Variants in GTF2I observed in about 807,000 individuals in gnomAD.
The protein encoded by GTF2I is general transcription factor IIi, also known as general transcription factor II-I.
A neutral mutation model predicts 67.6 loss-of-function variants in GTF2I; 12 were observed. That is an observed-to-expected ratio of 0.18 (90% CI 0.11 to 0.29). GTF2I has a LOEUF of 0.29. Among genes scored for constraint, GTF2I ranks in the 10% least tolerant of loss-of-function variants. GTF2I has a pLI of 1.00. For missense variants in GTF2I, 271 were observed against 580.1 expected (o/e 0.47, Z 5.47); for synonymous variants, 149 against 197.0 (o/e 0.76, Z 2.04).
intron 1 of GTF2I, 167 bp from the exon 2 acceptor site, chr7:74,688,952 TTTATC>T (rs1223379630): frequency 3.8e-6 from 2 of 530,456 alleles, no homozygotes; most frequent in Non-Finnish European, 6.8e-6. Context: ...GGATAGATTC[TTTATC>T]TTATGAGGGT....
intron 1 of GTF2I, among the ~76,000 whole-genome samples, chr7:74,673,680 C>CTTTTT (rs34307938): frequency 8.3e-6 from 1 of 119,798 alleles, no homozygotes; most frequent in Non-Finnish European, 1.8e-5. Flanking sequence ...CGCCCGGCCT[C>CTTTTT]TTTTTTTTTT....
At chr7:74,680,182 A>T (rs1409520718) in intron 1 of GTF2I, among the ~76,000 whole-genome samples, 2 of 145,746 alleles carry the variant, frequency 1.4e-5, no homozygotes, top group Non-Finnish European at 3.0e-5. Flanking sequence ...ATAATTTTAT[A>T]TATTTATTTA....
At chr7:74,674,161 C>G (rs188516707) in intron 1 of GTF2I, among the ~76,000 whole-genome samples, 93 of 149,708 alleles carry the variant, frequency 6.2e-4, no homozygotes, top group African/African-American at 2.2e-3. Context: ...CGTCGAACTC[C>G]TAGGCTCAAG....
intron 6 of GTF2I, among the ~76,000 whole-genome samples, chr7:74,704,915 T>TCATATTCTC (rs1432866158): frequency 7.0e-6 from 1 of 142,826 alleles, no homozygotes; most frequent in Non-Finnish European, 1.5e-5. Flanking sequence ...GTCAGCAGAG[T>TCATATTCTC]CATATTCTCC....
chr7:74,723,158 C>G (rs1476223960), intron 12 of GTF2I, among the ~76,000 whole-genome samples: 3 of 138,216 alleles, frequency 2.2e-5, no homozygotes, highest in Admixed American at 8.1e-5. Context: ...GAGTTTCGCT[C>G]TGTCGCCCAG....
intron 1 of GTF2I, 64 bp downstream of exon 1, chr7:74,658,132 G>A (rs587705234): frequency 6.6e-6 from 1 of 151,580 alleles, no homozygotes; most frequent in African/African-American, 2.4e-5. Context: ...TGCGAGCGGG[G>A]GCCTTTATTA....
At chr7:74,671,950 T>G (rs1805496821) in intron 1 of GTF2I, among the ~76,000 whole-genome samples, 1 of 151,898 alleles carries the variant, frequency 6.6e-6, no homozygotes, top group African/African-American at 2.4e-5. Context: ...TGCCACTGCA[T>G]TCCAGCCTGG....
chr7:74,722,441 T>C (rs1793143720), intron 12 of GTF2I, among the ~76,000 whole-genome samples: 1 of 152,160 alleles, frequency 6.6e-6, no homozygotes, highest in Admixed American at 6.6e-5. Flanking sequence ...TCAGACTTGT[T>C]TCAGGTCTAG....
intron 1 of GTF2I, among the ~76,000 whole-genome samples, chr7:74,660,253 G>T (rs1804354398): frequency 6.6e-6 from 1 of 150,956 alleles, no homozygotes; most frequent in Non-Finnish European, 1.5e-5. Context: ...GCAGTGGCGC[G>T]ATCTTCGCTC....
intron 6 of GTF2I, among the ~76,000 whole-genome samples, chr7:74,701,873 A>G (rs1554399965): frequency 1.3e-5 from 2 of 152,194 alleles, no homozygotes; most frequent in Non-Finnish European, 2.9e-5. Flanking sequence ...GGATGCTTTC[A>G]TCGTCCCTGT....
intron 13 of GTF2I, among the ~76,000 whole-genome samples, chr7:74,729,828 C>T (rs1232872235): frequency 6.6e-6 from 1 of 152,098 alleles, no homozygotes; most frequent in African/African-American, 2.4e-5. Context: ...GTCTTATTTC[C>T]ACACAACTGA....
intron 12 of GTF2I, among the ~76,000 whole-genome samples, chr7:74,720,206 G>A (rs1302679684): frequency 1.3e-5 from 2 of 151,962 alleles, no homozygotes; most frequent in Admixed American, 1.3e-4. Flanking sequence ...TATTCCATAG[G>A]CCTCCCCCTC....
At chr7:74,659,374 C>T (rs1390154518) in intron 1 of GTF2I, among the ~76,000 whole-genome samples, 1 of 151,796 alleles carries the variant, frequency 6.6e-6, no homozygotes, top group Non-Finnish European at 1.5e-5. Flanking sequence ...ACTACAGGCG[C>T]ATGCCATCAT....
intron 11 of GTF2I, among the ~76,000 whole-genome samples, chr7:74,717,577 G>A (rs587637220): frequency 6.6e-6 from 1 of 152,150 alleles, no homozygotes; most frequent in South Asian, 2.1e-4. Context: ...ACAAATTTTT[G>A]TAGATTTCTC....
intron 12 of GTF2I, among the ~76,000 whole-genome samples, chr7:74,724,169 C>A (rs587656938): frequency 6.6e-6 from 1 of 152,106 alleles, no homozygotes; most frequent in East Asian, 1.9e-4. Context: ...TTAATAAATA[C>A]CCAATTGTTT....
chr7:74,718,207 C>G (rs1792503343), intron 11 of GTF2I, among the ~76,000 whole-genome samples: 1 of 152,204 alleles, frequency 6.6e-6, no homozygotes, highest in South Asian at 2.1e-4. Flanking sequence ...GGCCTTTATT[C>G]CTTTACTAAC....
rs187858721 is a variant in GTF2I, at chr7:74,704,336, G to A, written c.587-828G>A. Among the ~76,000 whole-genome samples the A allele has an allele frequency of 2.7e-5, 4 of 147,974 alleles. No homozygotes were observed. In the East Asian group the frequency reaches 6.0e-4, roughly 22 times the overall value. ...GATGGAGTCTTGCTCTGTCGCCCAG[G>A]CTGGAGTGCAGTGGCATGATCTTGG... On this transcript the variant is annotated intron_variant, in intron 6 of 34. Transcript: ENST00000573035.
In GTF2I at chr7:74,710,015, A is replaced by T. The variant is rs189392509; in HGVS notation, c.686-1017A>T. 1.1e-4 allele frequency among the ~76,000 whole-genome samples: 17 copies of T among 152,302 alleles called. No individual in the cohort carries two copies. The East Asian group carries it at 3.3e-3, about 29-fold the overall frequency. Reference sequence around the variant, plus strand: ...ATTAACTTTTACTGATGGACATGAAAGTGCTAAGTTAGCCCAGAGAGTTGC... The same window carrying T: ...ATTAACTTTTACTGATGGACATGAATGTGCTAAGTTAGCCCAGAGAGTTGC... On this transcript the variant is annotated intron_variant, in intron 8 of 34. Transcript: ENST00000573035.
intron 3 of GTF2I, among the ~76,000 whole-genome samples, chr7:74,691,355 C>T (rs1261085300): frequency 2.0e-5 from 3 of 151,924 alleles, no homozygotes; most frequent in Admixed American, 1.3e-4. Flanking sequence ...TACAGGCACG[C>T]GCCAGCACGC....
Sources: gnomAD v4.1 joint callset for allele counts (sites outside exome capture counted in the v4.1 genomes callset) on GRCh38, gnomAD v4.1.1 for gene constraint, MANE v1.5 for transcripts, NCBI Gene and HGNC (gene_info 2026-07-23, HGNC 2026-07-21) for gene names.